The following MAN1A1 variants were observed in gnomAD, a reference collection of about 807,000 sequenced individuals.
MAN1A1 encodes the protein mannosyl-oligosaccharide 1,2-alpha-mannosidase IA.
A neutral mutation model predicts 70.8 loss-of-function variants in MAN1A1; 29 were observed. The ratio of observed to expected loss-of-function variants is 0.41; its 90% CI spans 0.31 to 0.56. MAN1A1 has a LOEUF of 0.56. MAN1A1 is among the 20% of genes least tolerant of loss of function. MAN1A1 has a pLI of 0.29. For missense variants in MAN1A1, 747 were observed against 841.3 expected, an observed-to-expected ratio of 0.89 and a Z score of 1.39; for synonymous variants, 349 against 330.1, an observed-to-expected ratio of 1.06 and a Z score of -0.62.
At chr6:119,261,337 A>G (rs1045353041) in intron 5 of MAN1A1, among the ~76,000 whole-genome samples, 6 of 152,166 alleles carry the variant, frequency 3.9e-5, no homozygotes, top group Non-Finnish European at 5.9e-5. Flanking sequence ...GAAACTTTCT[A>G]AATTACAAAC....
At chr6:119,283,917 G>A (rs1162430248) in intron 5 of MAN1A1, among the ~76,000 whole-genome samples, 8 of 152,146 alleles carry the variant, frequency 5.3e-5, no homozygotes, top group Non-Finnish European at 2.9e-5. Flanking sequence ...GGAAGAGACT[G>A]AAGAGGGGAG....
chr6:119,244,930 G>A (rs1165737827), intron 6 of MAN1A1, among the ~76,000 whole-genome samples: 3 of 152,158 alleles, frequency 2.0e-5, no homozygotes, highest in African/African-American at 7.2e-5. Context: ...TATCACAGGA[G>A]AGACTCAAAT....
chr6:119,333,010 T>C (rs1468260275), intron 2 of MAN1A1, among the ~76,000 whole-genome samples: 2 of 151,998 alleles, frequency 1.3e-5, no homozygotes, highest in African/African-American at 4.8e-5. Flanking sequence ...AGCAGAGATC[T>C]CACCCTGAGG....
intron 2 of MAN1A1, among the ~76,000 whole-genome samples, chr6:119,335,319 G>A (rs534823052): frequency 1.3e-5 from 2 of 152,242 alleles, no homozygotes; most frequent in African/African-American, 4.8e-5. Flanking sequence ...CAGGCATTGC[G>A]CTGAGAGATT....
rs565901571 is a variant in MAN1A1, at chr6:119,179,300, A to C, written c.*519T>G. 5 of 152,698 alleles carry C rather than the reference A, an allele frequency of 3.3e-5. No individual in the cohort carries two copies. Among genetic ancestry groups the C allele is most frequent in the Non-Finnish European group, 7.3e-5 (5 of 68,066 alleles). 9.5% of individuals were successfully genotyped at this position (152,698 alleles called of 1,614,324 possible). ...ATTTTAGAAGACATTCTATCAAATAATGATAGACCTGCATAAGGAGGCTGT... is the reference window on the plus strand; with the variant it reads ...ATTTTAGAAGACATTCTATCAAATACTGATAGACCTGCATAAGGAGGCTGT... On this transcript the variant is annotated 3_prime_UTR_variant, in exon 13 of 13. Coordinates refer to ENST00000368468, the MANE Select transcript of MAN1A1 (RefSeq NM_005907.4).
upstream of MAN1A1, chr6:119,350,573 T>C: frequency 1.0e-6 from 1 of 984,920 alleles, no homozygotes; most frequent in East Asian, 1.1e-4. Flanking sequence ...AGTTTTATGC[T>C]GCGGTAGCTT....
intron 2 of MAN1A1, among the ~76,000 whole-genome samples, chr6:119,317,894 CA>C (rs959638183): frequency 6.8e-6 from 1 of 147,402 alleles, no homozygotes; most frequent in Admixed American, 6.7e-5. Flanking sequence ...AAAAAAAAAA[CA>C]AAAAAAACCT....
At chr6:119,282,819 C>T (rs1006756128) in intron 5 of MAN1A1, among the ~76,000 whole-genome samples, 2 of 152,020 alleles carry the variant, frequency 1.3e-5, no homozygotes, top group Non-Finnish European at 2.9e-5. Flanking sequence ...AAAATTGTTC[C>T]TTTCTAGGAA....
intron 2 of MAN1A1, among the ~76,000 whole-genome samples, chr6:119,341,377 A>T (rs967073312): frequency 6.6e-6 from 1 of 152,190 alleles, no homozygotes; most frequent in Non-Finnish European, 1.5e-5. Flanking sequence ...CTGGTCAGCC[A>T]GTCACCAAAG....
chr6:119,188,313 A>T, intron 11 of MAN1A1, 92 bp downstream of exon 11: 1 of 1,203,794 alleles, frequency 8.3e-7, no homozygotes, highest in South Asian at 1.5e-5. Context: ...ATTAAAAATT[A>T]TAGAAAAGTT....
At chr6:119,181,581 G>T (rs1479299042) in intron 11 of MAN1A1, among the ~76,000 whole-genome samples, 6 of 152,044 alleles carry the variant, frequency 3.9e-5, no homozygotes, top group Non-Finnish European at 8.8e-5. Flanking sequence ...GATGGGTTGG[G>T]CAGTGTGAGG....
At chr6:119,295,214 A>G (rs1772172550) in intron 4 of MAN1A1, among the ~76,000 whole-genome samples, 1 of 152,110 alleles carries the variant, frequency 6.6e-6, no homozygotes, top group South Asian at 2.1e-4. Context: ...CCAAATGAGT[A>G]CCTGAAAGAC....
intron 1 of MAN1A1, 37 bp downstream of exon 1, chr6:119,349,505 G>C (rs761968144): frequency 5.1e-6 from 5 of 980,960 alleles, no homozygotes; most frequent in Non-Finnish European, 6.1e-6. Context: ...GAAGGGGTCA[G>C]GGCAGCGCGC....
At chr6:119,281,930 C>T (rs926869152) in intron 5 of MAN1A1, among the ~76,000 whole-genome samples, 5 of 151,752 alleles carry the variant, frequency 3.3e-5, no homozygotes, top group African/African-American at 4.8e-5. Flanking sequence ...GGCATGGTGG[C>T]GGGAGTCTGT....
intron 5 of MAN1A1, among the ~76,000 whole-genome samples, chr6:119,252,592 GA>G (rs1775349698): frequency 6.6e-6 from 1 of 152,104 alleles, no homozygotes; most frequent in Non-Finnish European, 1.5e-5. Context: ...AAGAGATCGA[GA>G]TTATCCTGGC....
intron 5 of MAN1A1, among the ~76,000 whole-genome samples, chr6:119,258,629 T>A (rs1383264375): frequency 6.6e-6 from 1 of 152,182 alleles, no homozygotes; most frequent in East Asian, 1.9e-4. Flanking sequence ...TGACTGCATA[T>A]CATAATTCCC....
chr6:119,350,217 G>A (rs956945556), upstream of MAN1A1, among the ~76,000 whole-genome samples: 2 of 152,178 alleles, frequency 1.3e-5, no homozygotes, highest in Non-Finnish European at 2.9e-5. Context: ...GGAAAGGCGG[G>A]GTCTGGCAGG....
intron 5 of MAN1A1, among the ~76,000 whole-genome samples, chr6:119,265,738 C>T (rs1775735428): frequency 6.6e-6 from 1 of 151,982 alleles, no homozygotes; most frequent in Admixed American, 6.6e-5. Context: ...GGGATGTCCC[C>T]TCTTACCACT....
chr6:119,272,253 C>A (rs2299885), intron 5 of MAN1A1, among the ~76,000 whole-genome samples: 1 of 152,132 alleles, frequency 6.6e-6, no homozygotes, highest in African/African-American at 2.4e-5. Flanking sequence ...TAAAGCCTCA[C>A]GAGTTTCTGG....
Sources: gnomAD v4.1 joint callset for allele counts (sites outside exome capture counted in the v4.1 genomes callset) on GRCh38, gnomAD v4.1.1 for gene constraint, MANE v1.5 for transcripts, NCBI Gene and HGNC (gene_info 2026-07-23, HGNC 2026-07-21) for gene names.